Variants in MECOM observed in about 807,000 individuals in gnomAD.
MECOM encodes the protein MDS1 and EVI1 complex locus.
In MECOM, 13 loss-of-function variants were observed where a neutral mutation model predicts 116.3. The observed-to-expected ratio is 0.11, with a 90% CI of 0.07 to 0.18. MECOM has a LOEUF of 0.18. Among genes scored for constraint, MECOM ranks in the 10% least tolerant of loss-of-function variants. MECOM has a pLI of 1.00. For synonymous variants in MECOM, 528 were observed against 535.2 expected, an observed-to-expected ratio of 0.99 and a Z score of 0.19; for missense variants, 1,299 against 1,509.0, an observed-to-expected ratio of 0.86 and a Z score of 2.31.
At chr3:169,507,907 G>A (rs529285717) in intron 1 of MECOM, among the ~76,000 whole-genome samples, 3 of 151,298 alleles carry the variant, frequency 2.0e-5, no homozygotes, top group Admixed American at 6.6e-5. Context: ...CGATCTGCCC[G>A]CCTCGGCCTC....
Position 169,137,222 on chromosome 3 carries a change from T to C in MECOM, c.511-5691A>G, listed in dbSNP as rs1736627071. ...GGAGGTAGGTAGCCGTTTGCATGTT[T>C]GAACAAAGTCAGCATTTCATATGGA... On this transcript the variant is annotated intron_variant, in intron 3 of 16. Coordinates refer to ENST00000651503, the MANE Select transcript of MECOM (RefSeq NM_004991.4). 3.9e-5 allele frequency among the ~76,000 whole-genome samples: 6 copies of C among 152,232 alleles called. 1 individual carries two copies. The South Asian group carries it at 1.2e-3, about 32-fold the overall frequency.
At position 169,442,821 on chromosome 3, in the gene MECOM, T is replaced by TA. The variant is rs1218433467; in HGVS notation, c.38-61298dup. Among the ~76,000 whole-genome samples, 5 of 152,332 alleles carry TA rather than the reference T, an allele frequency of 3.3e-5. No homozygotes were observed. In the South Asian group the frequency reaches 6.2e-4, roughly 19 times the overall value. On this transcript the variant is annotated intron_variant, in intron 1 of 16. Transcript: ENST00000651503. Reference sequence around the variant, plus strand: ...TCGATGAGGTTTTCACATTTTTTTTTATCTATAGTTTTTGACCCTGAATAC... The same window carrying TA: ...TCGATGAGGTTTTCACATTTTTTTTTAATCTATAGTTTTTGACCCTGAATAC...
chr3:169,317,346 C>A (rs962737598), intron 2 of MECOM, among the ~76,000 whole-genome samples: 1 of 151,916 alleles, frequency 6.6e-6, no homozygotes, highest in African/African-American at 2.4e-5. Flanking sequence ...TTTAATATGA[C>A]AATCATTATA....
intron 1 of MECOM, among the ~76,000 whole-genome samples, chr3:169,431,376 G>C (rs942244107): frequency 6.6e-6 from 1 of 152,178 alleles, no homozygotes; most frequent in African/African-American, 2.4e-5. Flanking sequence ...TAGATGTCCT[G>C]ATAATTGTTT....
intron 1 of MECOM, among the ~76,000 whole-genome samples, chr3:169,605,691 T>C (rs1418671848): frequency 3.3e-5 from 5 of 152,318 alleles, no homozygotes; most frequent in Middle Eastern, 6.8e-3. Flanking sequence ...CTATCTAGGT[T>C]GCCCTGAGTT....
intron 2 of MECOM, among the ~76,000 whole-genome samples, chr3:169,307,495 G>C (rs932751774): frequency 1.4e-4 from 22 of 152,082 alleles, no homozygotes; most frequent in Admixed American, 2.0e-4. Flanking sequence ...CTTGAGCCCA[G>C]AAGGTCAACA....
chr3:169,207,408 C>A (rs1031901684), intron 2 of MECOM, among the ~76,000 whole-genome samples: 2 of 152,094 alleles, frequency 1.3e-5, no homozygotes, highest in South Asian at 2.1e-4. Flanking sequence ...TAATTAATAT[C>A]TGGTAAAATC....
chr3:169,593,456 C>A (rs1295923099), intron 1 of MECOM, among the ~76,000 whole-genome samples: 1 of 151,998 alleles, frequency 6.6e-6, no homozygotes, highest in Admixed American at 6.6e-5. Context: ...GCAAATATAC[C>A]CTATACAGTG....
chr3:169,577,899 G>A (rs1045573051), intron 1 of MECOM, among the ~76,000 whole-genome samples: 1 of 152,086 alleles, frequency 6.6e-6, no homozygotes, highest in African/African-American at 2.4e-5. Context: ...GCCTTAGTTG[G>A]AGAAAAAGTC....
At chr3:169,388,158 C>T (rs1577950540) in intron 1 of MECOM, among the ~76,000 whole-genome samples, 1 of 152,032 alleles carries the variant, frequency 6.6e-6, no homozygotes, top group African/African-American at 2.4e-5. Flanking sequence ...AGGACGTGAG[C>T]ACATGAGCAC....
intron 1 of MECOM, among the ~76,000 whole-genome samples, 158 bp downstream of exon 1, chr3:169,663,178 A>T (rs1370975174): frequency 6.6e-6 from 1 of 151,166 alleles, no homozygotes; most frequent in Non-Finnish European, 1.5e-5. Flanking sequence ...GGGAGCAGAG[A>T]CTGGAACCGG....
intron 2 of MECOM, among the ~76,000 whole-genome samples, chr3:169,313,476 G>A (rs912739870): frequency 6.6e-6 from 1 of 152,216 alleles, no homozygotes; most frequent in African/African-American, 2.4e-5. Context: ...CAGAATAGCT[G>A]AAGGATGTCT....
At chr3:169,307,474 T>A (rs1717936437) in intron 2 of MECOM, among the ~76,000 whole-genome samples, 1 of 152,100 alleles carries the variant, frequency 6.6e-6, no homozygotes, top group African/African-American at 2.4e-5. Flanking sequence ...CTTGGGAGGC[T>A]GAGAGGATTG....
At chr3:169,631,303 G>C (rs945055018) in intron 1 of MECOM, among the ~76,000 whole-genome samples, 1 of 152,140 alleles carries the variant, frequency 6.6e-6, no homozygotes, top group Non-Finnish European at 1.5e-5. Context: ...CATTCTAAAA[G>C]AACAGTTCAA....
chr3:169,268,318 C>T (rs1758551448), intron 2 of MECOM, among the ~76,000 whole-genome samples: 1 of 152,168 alleles, frequency 6.6e-6, no homozygotes, highest in South Asian at 2.1e-4. Context: ...ACTTTATATA[C>T]ATTCACTTGG....
chr3:169,163,456 TA>T (rs1228079721), intron 2 of MECOM, among the ~76,000 whole-genome samples: 1 of 152,172 alleles, frequency 6.6e-6, no homozygotes, highest in Admixed American at 6.6e-5. Flanking sequence ...GGCAAGATGA[TA>T]AAAAATAGTA....
At position 169,146,438 on chromosome 3, in the gene MECOM, G is replaced by T. The variant is rs770246166; in HGVS notation, c.376-2606C>A. 3 of 1,389,666 alleles carry T rather than the reference G, an allele frequency of 2.2e-6. No homozygotes were observed. In the African/African-American group the frequency reaches 4.3e-5, roughly 20 times the overall value. 86.1% of individuals were successfully genotyped at this position (1,389,666 alleles called of 1,614,324 possible). A position where few individuals can be genotyped will look rare whatever the true frequency, so the allele number is the denominator to read the frequency against. On this transcript the variant is annotated intron_variant, in intron 2 of 16. Coordinates refer to ENST00000651503, the MANE Select transcript of MECOM (RefSeq NM_004991.4). ...GAGGGAGGGGAAGGAGGAGAAGAGC[G>T]CAAGGAAAAGAGGCCGACAAGCCGG...
intron 2 of MECOM, among the ~76,000 whole-genome samples, chr3:169,321,706 G>A (rs941682913): frequency 2.0e-5 from 3 of 152,130 alleles, no homozygotes; most frequent in African/African-American, 4.8e-5. Context: ...TGGGACAAGC[G>A]TGGTCAGGGA....
chr3:169,087,760 C>T (rs943148138), intron 16 of MECOM, among the ~76,000 whole-genome samples: 2 of 152,068 alleles, frequency 1.3e-5, no homozygotes, highest in Non-Finnish European at 2.9e-5. Context: ...GCTAGTTTAC[C>T]TTTAATGTTA....
Sources: gnomAD v4.1 joint callset for allele counts (sites outside exome capture counted in the v4.1 genomes callset) on GRCh38, gnomAD v4.1.1 for gene constraint, MANE v1.5 for transcripts, NCBI Gene and HGNC (gene_info 2026-07-23, HGNC 2026-07-21) for gene names.